Variants in ARMC2 observed in about 807,000 individuals in gnomAD.
ARMC2 encodes armadillo repeat containing 2, also known as armadillo repeat-containing protein 2.
In ARMC2, 67 loss-of-function variants were observed where a neutral mutation model predicts 90.3. The ratio of observed to expected loss-of-function variants is 0.74; its 90% confidence interval spans 0.61 to 0.91. The LOEUF is 0.91. Ranked by LOEUF, ARMC2 falls within the 40% of genes least tolerant of loss-of-function variation. The probability of loss-of-function intolerance (pLI) is 0.00; values close to 1 mark genes in which losing one functional copy is unlikely to be tolerated. For synonymous variants in ARMC2, 393 were observed against 393.0 expected (o/e 1.00, Z 0.00); for missense variants, 920 against 1,030.9 (o/e 0.89, Z 1.47).
At chr6:108,884,967 G>T (rs1202131339) in intron 5 of ARMC2, among the ~76,000 whole-genome samples, 1 of 152,170 alleles carries the variant, frequency 6.6e-6, no homozygotes, top group African/African-American at 2.4e-5. Flanking sequence ...GCCAGTCACA[G>T]CCACTGCTCC....
At chr6:108,884,515 G>A (rs1777892315) in intron 5 of ARMC2, among the ~76,000 whole-genome samples, 1 of 152,210 alleles carries the variant, frequency 6.6e-6, no homozygotes, top group Admixed American at 6.5e-5. Context: ...TCCTAGAGTA[G>A]TTGGGATTTG....
chr6:109,037,894 C>T, the ARMC2 span, among the ~76,000 whole-genome samples: 7 of 151,626 alleles, frequency 4.6e-5, no homozygotes, highest in East Asian at 5.8e-4. Context: ...TGATGTTCAA[C>T]GATGCCTATA....
At chr6:108,919,534 T>G (rs1774336568) in intron 10 of ARMC2, among the ~76,000 whole-genome samples, 1 of 152,206 alleles carries the variant, frequency 6.6e-6, no homozygotes, top group Non-Finnish European at 1.5e-5. Flanking sequence ...TTTGGAGATT[T>G]GATAATTTAA....
At chr6:109,023,881 G>A in the ARMC2 span, among the ~76,000 whole-genome samples, 1 of 152,102 alleles carries the variant, frequency 6.6e-6, no homozygotes, top group Non-Finnish European at 1.5e-5. Context: ...TAAAGCATAA[G>A]AGAATATTGT....
At chr6:109,024,578 G>GTT in the ARMC2 span, among the ~76,000 whole-genome samples, 2 of 152,118 alleles carry the variant, frequency 1.3e-5, no homozygotes, top group African/African-American at 4.8e-5. Context: ...TTACAATGGG[G>GTT]TTATGACTCA....
At chr6:108,860,661 C>CAAAA (rs61194526) in intron 3 of ARMC2, among the ~76,000 whole-genome samples, 1 of 60,056 alleles carries the variant, frequency 1.7e-5, no homozygotes. Flanking sequence ...GACTCCATCT[C>CAAAA]AAAAAAAAAA....
At chr6:108,978,170 A>G (rs1779021768), downstream of ARMC2, among the ~76,000 whole-genome samples, 1 of 152,176 alleles carries the variant, frequency 6.6e-6, no homozygotes, top group Non-Finnish European at 1.5e-5. Flanking sequence ...ACTGCTTTAA[A>G]TATGTCCCAG....
At chr6:108,895,603 A>G (rs923982982) in intron 6 of ARMC2, among the ~76,000 whole-genome samples, 8 of 152,206 alleles carry the variant, frequency 5.3e-5, no homozygotes, top group African/African-American at 1.9e-4. Flanking sequence ...ACCACAGTCT[A>G]GAAATGATAC....
intron 3 of ARMC2, among the ~76,000 whole-genome samples, chr6:108,864,728 A>G (rs1368622361): frequency 1.3e-5 from 2 of 152,126 alleles, no homozygotes; most frequent in African/African-American, 4.8e-5. Flanking sequence ...CTGTTGGGTG[A>G]TCTGGAAGAG....
At chr6:109,002,604 G>C in the ARMC2 span, among the ~76,000 whole-genome samples, 1 of 152,114 alleles carries the variant, frequency 6.6e-6, no homozygotes, top group African/African-American at 2.4e-5. Flanking sequence ...AGAAAGTCTA[G>C]AACAGAAAGT....
intron 10 of ARMC2, among the ~76,000 whole-genome samples, chr6:108,919,987 C>T (rs1774393950): frequency 6.6e-6 from 1 of 152,040 alleles, no homozygotes; most frequent in South Asian, 2.1e-4. Flanking sequence ...ACCCATCATC[C>T]AGCTCCTCCC....
chr6:109,037,743 A>G, the ARMC2 span, among the ~76,000 whole-genome samples: 34 of 152,288 alleles, frequency 2.2e-4, no homozygotes, highest in East Asian at 4.2e-3. Flanking sequence ...ATGATTTACT[A>G]GAGTATATGG....
chr6:109,009,546 C>T, the ARMC2 span: 1 of 1,030,704 alleles, frequency 9.7e-7, no homozygotes, highest in East Asian at 5.1e-5. Flanking sequence ...CCTCAGTCAG[C>T]ACGGACGGCG....
At chr6:109,007,145 T>A in the ARMC2 span, among the ~76,000 whole-genome samples, 1 of 152,204 alleles carries the variant, frequency 6.6e-6, no homozygotes, top group Non-Finnish European at 1.5e-5. Flanking sequence ...ACTTCTGATG[T>A]TTCCTCAATG....
chr6:109,007,449 A>G, the ARMC2 span, among the ~76,000 whole-genome samples: 1 of 152,200 alleles, frequency 6.6e-6, no homozygotes, highest in Non-Finnish European at 1.5e-5. Context: ...AATTTGAATC[A>G]TTTTGTTTTC....
chr6:108,873,300 A>G (rs188351321), intron 4 of ARMC2, among the ~76,000 whole-genome samples: 121 of 152,212 alleles, frequency 7.9e-4, no homozygotes, highest in African/African-American at 2.8e-3. Context: ...CGAAAATGAG[A>G]TAGGGCAGAT....
chr6:108,916,767 C>T (rs1774012204), intron 10 of ARMC2, among the ~76,000 whole-genome samples: 2 of 152,182 alleles, frequency 1.3e-5, no homozygotes, highest in South Asian at 4.1e-4. Flanking sequence ...TAAAGAGCTA[C>T]AGTCGGGCAG....
chr6:109,001,426 A>G, the ARMC2 span: 2 of 1,613,940 alleles, frequency 1.2e-6, no homozygotes, highest in Non-Finnish European at 1.7e-6. Context: ...AACGGCCCAA[A>G]GCAGCAAAAG....
the ARMC2 span, among the ~76,000 whole-genome samples, chr6:109,024,698 C>T: frequency 6.6e-6 from 1 of 152,198 alleles, no homozygotes; most frequent in Non-Finnish European, 1.5e-5. Context: ...CATTAGCCTA[C>T]AGTTGGGCAA....
Sources: allele counts gnomAD v4.1 joint callset (sites outside exome capture counted in the v4.1 genomes callset), GRCh38; gene constraint gnomAD v4.1.1; transcripts MANE v1.5; gene names NCBI Gene and HGNC (gene_info 2026-07-23, HGNC 2026-07-21).